ROBO1: variants seen among roughly 807,000 people sequenced by gnomAD.
ROBO1 encodes the protein roundabout guidance receptor 1.
A neutral mutation model predicts 195.9 loss-of-function variants in ROBO1; 149 were observed. The observed-to-expected ratio is 0.76, with a 90% confidence interval of 0.67 to 0.87. The LOEUF is 0.87. Among genes scored for constraint, ROBO1 ranks in the 40% least tolerant of loss-of-function variants. The pLI, the probability that ROBO1 is intolerant of heterozygous loss-of-function variation, is 0.00. For synonymous variants in ROBO1, 816 were observed against 733.2 expected (o/e 1.11, Z -1.82); for missense variants, 1,933 against 2,068.3 (o/e 0.93, Z 1.27).
intron 2 of ROBO1, among the ~76,000 whole-genome samples, chr3:79,342,574 A>G (rs2034951284): frequency 1.3e-5 from 2 of 152,164 alleles, no homozygotes; most frequent in African/African-American, 4.8e-5. Context: ...AAAGTTACCT[A>G]TGTGATATGT....
chr3:78,779,807 T>C lies in ROBO1; in HGVS notation c.500-32907A>G, dbSNP rs150659071. The stretch of plus-strand genomic sequence containing the variant: ...TCTACTATAAAGACATATGCACACA[T>C]ATGTTTATTGCAACACTGTTCACAA... On this transcript the variant is annotated intron_variant, in intron 4 of 30. Transcript: ENST00000464233. Among the ~76,000 whole-genome samples the C allele has an allele frequency of 7.8e-3, 1,191 of 152,130 alleles. 17 individuals carry two copies. Among genetic ancestry groups the C allele is most frequent in the African/African-American group, 0.026 (1,069 of 41,522 alleles).
At chr3:79,685,155 T>C in intron 1 of ROBO1, among the ~76,000 whole-genome samples, 1 of 152,172 alleles carries the variant, frequency 6.6e-6, no homozygotes, top group South Asian at 2.1e-4. Flanking sequence ...CTCTACTCAA[T>C]TCACTTAATG....
At chr3:79,277,820 C>A (rs1159800578) in intron 2 of ROBO1, among the ~76,000 whole-genome samples, 5 of 151,026 alleles carry the variant, frequency 3.3e-5, no homozygotes, top group African/African-American at 9.7e-5. Context: ...GAAGTCATAC[C>A]CAGAGTTATT....
intron 8 of ROBO1, among the ~76,000 whole-genome samples, chr3:78,699,462 G>T (rs990432923): frequency 1.1e-4 from 16 of 149,942 alleles, no homozygotes; most frequent in Admixed American, 7.3e-4. Flanking sequence ...CCAGCTACTT[G>T]GGAGGCTGAG....
chr3:78,898,344 C>A (rs1576365134), intron 4 of ROBO1, among the ~76,000 whole-genome samples: 1 of 141,610 alleles, frequency 7.1e-6, no homozygotes, highest in Admixed American at 7.3e-5. Context: ...GAGAGAGAGA[C>A]AGATATATAT....
chr3:79,206,178 G>C (rs574109448), intron 2 of ROBO1, among the ~76,000 whole-genome samples: 1 of 152,108 alleles, frequency 6.6e-6, no homozygotes, highest in Non-Finnish European at 1.5e-5. Flanking sequence ...TAACCACATG[G>C]TATATGCTAC....
intron 2 of ROBO1, among the ~76,000 whole-genome samples, chr3:79,326,180 C>A (rs2034203490): frequency 6.6e-6 from 1 of 152,148 alleles, no homozygotes; most frequent in Non-Finnish European, 1.5e-5. Context: ...CCCGAAACTT[C>A]ATTAGCAATT....
chr3:78,944,985 A>C (rs1232363876), intron 3 of ROBO1, among the ~76,000 whole-genome samples: 1 of 152,144 alleles, frequency 6.6e-6, no homozygotes, highest in Non-Finnish European at 1.5e-5. Context: ...GCCATTGCCG[A>C]GTTAGTTGTT....
chr3:78,600,059 A>G (rs755539238), intron 30 of ROBO1, 54 bp downstream of exon 30: 1 of 1,411,162 alleles, frequency 7.1e-7, no homozygotes, highest in Non-Finnish European at 1.0e-6. Context: ...GTTCCTAACT[A>G]CATAAAACAA....
intron 4 of ROBO1, among the ~76,000 whole-genome samples, chr3:78,788,757 T>C (rs978543429): frequency 5.9e-5 from 9 of 152,102 alleles, no homozygotes; most frequent in African/African-American, 2.2e-4. Flanking sequence ...TAGAGCTTTT[T>C]ATTCAAATTG....
chr3:79,485,723 C>T (rs1223712194), intron 2 of ROBO1, among the ~76,000 whole-genome samples: 1 of 152,202 alleles, frequency 6.6e-6, no homozygotes, highest in East Asian at 1.9e-4. Context: ...TACTCAGGGG[C>T]CAACTGCCAC....
chr3:78,670,155 T>G lies in ROBO1; in HGVS notation c.1489A>C (p.Thr497Pro). 1 of 1,613,346 alleles carries G rather than the reference T, an allele frequency of 6.2e-7. No homozygotes were observed. The highest frequency in any genetic ancestry group is 8.5e-7 in the Non-Finnish European group (1 of 1,179,646). Reference protein sequence around the residue: ...LWRKDGVLVSTQDSRIKQLEN... With the variant: ...LWRKDGVLVSPQDSRIKQLEN... ...AACTGTTTGATTCGAGAGTCTTGGGTTGAAACGAGGACTCCATCCTTTCTC... is the reference window on the plus strand; with the variant it reads ...AACTGTTTGATTCGAGAGTCTTGGGGTGAAACGAGGACTCCATCCTTTCTC... The change falls in exon 11 of 31, where the codon ACC (threonine) becomes CCC (proline). Residue 497 changes from threonine to proline, a missense_variant. Around this residue, in one of 3 missense-constraint regions of ROBO1, gnomAD observed 1,737 missense variants for 1,882.5 expected, o/e 0.92. Coordinates refer to ENST00000464233, the MANE Select transcript of ROBO1 (RefSeq NM_002941.4).
At chr3:79,386,386 G>A (rs2036746910) in intron 2 of ROBO1, among the ~76,000 whole-genome samples, 3 of 152,050 alleles carry the variant, frequency 2.0e-5, no homozygotes, top group Non-Finnish European at 2.9e-5. Context: ...ATAATATTGA[G>A]GTTGTTCTAT....
intron 5 of ROBO1, among the ~76,000 whole-genome samples, chr3:78,724,545 G>C (rs1370351943): frequency 6.8e-6 from 1 of 147,610 alleles, no homozygotes; most frequent in Non-Finnish European, 1.5e-5. Flanking sequence ...AGCCTGGTGT[G>C]CTGGCACATG....
chr3:79,547,542 C>T lies in ROBO1; in HGVS notation c.88+42282G>A, dbSNP rs188517487. Among the ~76,000 whole-genome samples, 553 of 152,138 alleles carry T rather than the reference C, an allele frequency of 3.6e-3. 2 individuals are homozygous for T. Among genetic ancestry groups the T allele is most frequent in the African/African-American group, 0.011 (469 of 41,504 alleles). On this transcript the variant is annotated intron_variant, in intron 2 of 30. Transcript: ENST00000464233. ...AATTTCCAAATATATATAATTTAGC[C>T]TGACTGCAAAGATCATTCTCTACTG...
At chr3:79,624,723 G>C (rs977943473) in intron 1 of ROBO1, among the ~76,000 whole-genome samples, 4 of 151,922 alleles carry the variant, frequency 2.6e-5, no homozygotes, top group Admixed American at 6.6e-5. Context: ...CCTATAAAGA[G>C]ATTTAGACTC....
At chr3:79,037,441 A>G (rs886175847) in intron 3 of ROBO1, among the ~76,000 whole-genome samples, 7 of 152,184 alleles carry the variant, frequency 4.6e-5, no homozygotes, top group African/African-American at 1.7e-4. Flanking sequence ...ATATGTAGAC[A>G]TTGTTGATTT....
intron 4 of ROBO1, among the ~76,000 whole-genome samples, chr3:78,838,912 C>T (rs190395217): frequency 2.2e-4 from 33 of 152,180 alleles, no homozygotes; most frequent in African/African-American, 6.8e-4. Flanking sequence ...TAGATTAAAC[C>T]TGGCACTCCT....
chr3:79,322,212 T>C (rs1333929196), intron 2 of ROBO1, among the ~76,000 whole-genome samples: 1 of 152,230 alleles, frequency 6.6e-6, no homozygotes, highest in Non-Finnish European at 1.5e-5. Flanking sequence ...TATCAGGTAC[T>C]ATGGTAATAC....
Sources: gnomAD v4.1 joint callset for allele counts (sites outside exome capture counted in the v4.1 genomes callset) on GRCh38, gnomAD v4.1.1 for gene constraint, gnomAD v4.1.1 regional missense constraint, MANE v1.5 for transcripts, NCBI Gene and HGNC (gene_info 2026-07-23, HGNC 2026-07-21) for gene names.